Variants in CTNNA2 observed in about 807,000 individuals in gnomAD.
CTNNA2 encodes catenin alpha-2.
A neutral mutation model predicts 101.0 loss-of-function variants in CTNNA2; 42 were observed. The ratio of observed to expected loss-of-function variants is 0.42; its 90% CI spans 0.32 to 0.54. The LOEUF (loss-of-function observed/expected upper bound fraction) is 0.54. CTNNA2 is among the 20% of genes least tolerant of loss of function. CTNNA2 has a pLI of 0.14. For missense variants in CTNNA2, 871 were observed against 1,223.1 expected (o/e 0.71, Z 4.29); for synonymous variants, 450 against 456.4 (o/e 0.99, Z 0.18).
At chr2:80,159,448 A>G (rs986683902) in intron 7 of CTNNA2, among the ~76,000 whole-genome samples, 2 of 152,214 alleles carry the variant, frequency 1.3e-5, no homozygotes, top group Admixed American at 6.5e-5. Flanking sequence ...CCATTCTGAT[A>G]GGTATATAGT....
chr2:80,404,642 A>T (rs934292156), intron 8 of CTNNA2, among the ~76,000 whole-genome samples: 2 of 152,106 alleles, frequency 1.3e-5, no homozygotes, highest in African/African-American at 2.4e-5. Context: ...TTTGAAAAGG[A>T]GCTATTGATT....
chr2:79,521,594 G>A (rs911221905), intron 1 of CTNNA2, among the ~76,000 whole-genome samples: 1 of 152,130 alleles, frequency 6.6e-6, no homozygotes, highest in South Asian at 2.1e-4. Context: ...CCTTCACTGG[G>A]TGGAGGAGGT....
intron 3 of CTNNA2, among the ~76,000 whole-genome samples, chr2:79,844,224 A>T (rs1168749843): frequency 1.3e-5 from 2 of 152,218 alleles, no homozygotes; most frequent in Non-Finnish European, 2.9e-5. Context: ...CTGCCAAGAT[A>T]ATCTCAGAAT....
chr2:79,346,514 T>C (rs1002350652), intron 3 of CTNNA2, among the ~76,000 whole-genome samples: 1 of 152,120 alleles, frequency 6.6e-6, no homozygotes, highest in African/African-American at 2.4e-5. Flanking sequence ...TGTCAATAAC[T>C]AGACACTATG....
chr2:79,306,727 A>G (rs1176901651), intron 2 of CTNNA2, among the ~76,000 whole-genome samples: 1 of 152,250 alleles, frequency 6.6e-6, no homozygotes, highest in Admixed American at 6.5e-5. Flanking sequence ...ATGGCTCTCC[A>G]GAATAACTAT....
chr2:80,041,030 G>A (rs1696017964), intron 7 of CTNNA2, among the ~76,000 whole-genome samples: 1 of 151,864 alleles, frequency 6.6e-6, no homozygotes, highest in Non-Finnish European at 1.5e-5. Flanking sequence ...GTAGATTTTG[G>A]TTTATCCACA....
chr2:79,950,638 A>T (rs1437868604), intron 7 of CTNNA2, among the ~76,000 whole-genome samples: 1 of 152,220 alleles, frequency 6.6e-6, no homozygotes, highest in Non-Finnish European at 1.5e-5. Flanking sequence ...TTTATAGGCC[A>T]GCAGATTGCC....
At chr2:80,353,339 C>A (rs1216437711) in intron 7 of CTNNA2, among the ~76,000 whole-genome samples, 1 of 152,038 alleles carries the variant, frequency 6.6e-6, no homozygotes, top group African/African-American at 2.4e-5. Flanking sequence ...CATTTTCTGA[C>A]TTAAAGGAGT....
chr2:79,768,084 C>A (rs1673292439), intron 3 of CTNNA2, among the ~76,000 whole-genome samples: 1 of 151,784 alleles, frequency 6.6e-6, no homozygotes, highest in African/African-American at 2.4e-5. Flanking sequence ...CCTCTGAGAT[C>A]TGTGGTTCAC....
At chr2:79,712,485 C>G (rs1348238185) in intron 2 of CTNNA2, among the ~76,000 whole-genome samples, 8 of 152,138 alleles carry the variant, frequency 5.3e-5, no homozygotes, top group Non-Finnish European at 8.8e-5. Flanking sequence ...CTAGCTGTAA[C>G]ATCCTACATC....
intron 7 of CTNNA2, among the ~76,000 whole-genome samples, chr2:80,278,985 G>A (rs192509645): frequency 3.0e-4 from 45 of 149,846 alleles, no homozygotes; most frequent in African/African-American, 1.1e-3. Context: ...ATTGCCAGTG[G>A]AGAATGGATT....
chr2:80,231,397 G>T (rs955764202), intron 7 of CTNNA2, among the ~76,000 whole-genome samples: 3 of 152,156 alleles, frequency 2.0e-5, no homozygotes, highest in Non-Finnish European at 2.9e-5. Context: ...CATGCCTCAG[G>T]TCATCTTCCC....
chr2:79,932,772 C>T (rs1687533967), intron 7 of CTNNA2, among the ~76,000 whole-genome samples: 1 of 152,214 alleles, frequency 6.6e-6, no homozygotes, highest in African/African-American at 2.4e-5. Context: ...CTTTTCATCA[C>T]ATACATTGAG....
rs149448760 is a variant in CTNNA2, at chr2:79,768,878, T to G, written c.298+24296T>G. On this transcript the variant is annotated intron_variant, in intron 3 of 18. Transcript: ENST00000402739. Reference sequence around the variant, plus strand: ...TTGTTTTGCTTATGTTTTTTGAGACTGAGTCTCACTCTGTCGCCCAGGCTG... The same window carrying G: ...TTGTTTTGCTTATGTTTTTTGAGACGGAGTCTCACTCTGTCGCCCAGGCTG... Among the ~76,000 whole-genome samples the G allele has an allele frequency of 2.8e-4, 43 of 152,224 alleles. 2 individuals carry two copies. In the East Asian group the frequency reaches 6.2e-3, roughly 22 times the overall value.
chr2:79,193,547 T>C (rs1021167330), intron 1 of CTNNA2, among the ~76,000 whole-genome samples: 2 of 152,150 alleles, frequency 1.3e-5, no homozygotes, highest in Admixed American at 1.3e-4. Context: ...CAAATAGTAA[T>C]GAAATTACCT....
At chr2:79,525,473 A>G (rs550443415) in intron 1 of CTNNA2, among the ~76,000 whole-genome samples, 2 of 151,954 alleles carry the variant, frequency 1.3e-5, no homozygotes, top group African/African-American at 2.4e-5. Context: ...TGAACCCATC[A>G]TCTTAAAACC....
chr2:79,567,897 C>T (rs931352606), intron 1 of CTNNA2, among the ~76,000 whole-genome samples: 1 of 152,116 alleles, frequency 6.6e-6, no homozygotes, highest in Non-Finnish European at 1.5e-5. Flanking sequence ...AAGTTGGTAC[C>T]TGAAGACAAA....
rs181352361 is a variant in CTNNA2 at position 79,411,136 on chromosome 2, C to A, written c.-135+37123C>A. Reference sequence around the variant, plus strand: ...ATGGTAGTTTGTATTTCTGTGGGATCGGTGGTGATATCCCCTTTATCATTT... The same window carrying A: ...ATGGTAGTTTGTATTTCTGTGGGATAGGTGGTGATATCCCCTTTATCATTT... On this transcript the variant is annotated intron_variant, in intron 4 of 21. Transcript: ENST00000466387. 3.0e-3 allele frequency among the ~76,000 whole-genome samples: 456 copies of A among 152,072 alleles called. 5 individuals are homozygous for A. Among genetic ancestry groups the A allele is most frequent in the African/African-American group, 0.01 (430 of 41,514 alleles).
chr2:80,530,853 G>A (rs1690476574), intron 9 of CTNNA2, among the ~76,000 whole-genome samples: 1 of 152,220 alleles, frequency 6.6e-6, no homozygotes, highest in South Asian at 2.1e-4. Flanking sequence ...ATGGAAAAAG[G>A]GAGCTGTGCT....
Sources: gnomAD v4.1 joint callset for allele counts (sites outside exome capture counted in the v4.1 genomes callset) on GRCh38, gnomAD v4.1.1 for gene constraint, MANE v1.5 for transcripts, NCBI Gene and HGNC (gene_info 2026-07-23, HGNC 2026-07-21) for gene names.